Variants in FHL5 observed in about 807,000 individuals in gnomAD.
FHL5 encodes four and a half LIM domains protein 5.
FHL5 carries 33 observed loss-of-function variants against 32.0 expected under a neutral mutation model. That is an observed-to-expected ratio of 1.03 (90% CI 0.78 to 1.38). The LOEUF is 1.38. Ranked by LOEUF, FHL5 falls within the 40% of genes most tolerant of loss-of-function variation. FHL5 has a pLI of 0.00. For synonymous variants in FHL5, 114 were observed against 113.6 expected, an observed-to-expected ratio of 1.00 and a Z score of -0.02; for missense variants, 336 against 343.9, an observed-to-expected ratio of 0.98 and a Z score of 0.18.
chr6:96,618,506 T>C lies in FHL5; in HGVS notation c.*2734T>C, dbSNP rs6905568. 0.39 allele frequency among the ~76,000 whole-genome samples: 59,726 copies of C among 152,050 alleles called. 12,473 individuals carry two copies. The highest frequency in any genetic ancestry group is 0.55 in the African/African-American group (22,637 of 41,460). Reference sequence around the variant, plus strand: ...AAGTAAAGGAAGAAAATAATTATTGTAGTGTTTGAGGAAAATTATGCTTTT... The same window carrying C: ...AAGTAAAGGAAGAAAATAATTATTGCAGTGTTTGAGGAAAATTATGCTTTT... On this transcript the variant is annotated 3_prime_UTR_variant, in exon 6 of 6. Transcript: ENST00000450218.
chr6:96,591,139 G>C (rs1770906563), intron 1 of FHL5, among the ~76,000 whole-genome samples: 1 of 152,050 alleles, frequency 6.6e-6, no homozygotes, highest in Non-Finnish European at 1.5e-5. Context: ...GATTTGGTTT[G>C]TGTGAGATTG....
chr6:96,605,133 T>G (rs770700914), intron 3 of FHL5, among the ~76,000 whole-genome samples: 1 of 152,238 alleles, frequency 6.6e-6, no homozygotes, highest in Non-Finnish European at 1.5e-5. Flanking sequence ...TCTGTGTATT[T>G]TCATATAGTC....
At chr6:96,569,947 T>C (rs1005043447) in intron 1 of FHL5, among the ~76,000 whole-genome samples, 2 of 151,962 alleles carry the variant, frequency 1.3e-5, no homozygotes, top group African/African-American at 4.8e-5. Flanking sequence ...GTTGTTTTCC[T>C]GTTGTCTTGT....
chr6:96,600,863 G>A (rs1771132870), intron 1 of FHL5, among the ~76,000 whole-genome samples: 1 of 152,166 alleles, frequency 6.6e-6, no homozygotes, highest in Non-Finnish European at 1.5e-5. Context: ...TGGGCAGGGA[G>A]TTCAAATCAC....
chr6:96,593,733 T>G (rs1321780712), intron 1 of FHL5, among the ~76,000 whole-genome samples: 1 of 152,116 alleles, frequency 6.6e-6, no homozygotes, highest in Admixed American at 6.6e-5. Context: ...TATTCTTCTG[T>G]GGAAAGCAAA....
chr6:96,577,744 A>T (rs1680646761), intron 1 of FHL5, among the ~76,000 whole-genome samples: 1 of 152,188 alleles, frequency 6.6e-6, no homozygotes, highest in African/African-American at 2.4e-5. Context: ...AGAAGGATAG[A>T]TGCAAATAAG....
intron 1 of FHL5, among the ~76,000 whole-genome samples, chr6:96,584,192 T>C (rs1393029154): frequency 6.6e-6 from 1 of 152,064 alleles, no homozygotes; most frequent in Non-Finnish European, 1.5e-5. Flanking sequence ...GACATAAATA[T>C]GAACTAATGA....
intron 1 of FHL5, among the ~76,000 whole-genome samples, chr6:96,603,381 T>C (rs1234299504): frequency 1.3e-5 from 2 of 152,162 alleles, no homozygotes; most frequent in Non-Finnish European, 2.9e-5. Context: ...CATTTTTTTT[T>C]AGCAAAACAT....
intron 4 of FHL5, among the ~76,000 whole-genome samples, chr6:96,607,406 T>TACACAC (rs3839357): frequency 2.0e-5 from 3 of 148,986 alleles, no homozygotes; most frequent in Non-Finnish European, 4.5e-5. Flanking sequence ...CACATGCACA[T>TACACAC]ACACACACAC....
At chr6:96,593,842 C>T (rs1295098183) in intron 1 of FHL5, among the ~76,000 whole-genome samples, 1 of 152,052 alleles carries the variant, frequency 6.6e-6, no homozygotes. Context: ...TTTTTAAGTA[C>T]ACTTTTTAAG....
At position 96,616,965 on chromosome 6, in the gene FHL5, G is replaced by A. The variant is rs913112546; in HGVS notation, c.*1193G>A. ...TTACCCCAAGCCAGTTGTGCCCCCA[G>A]TTTCAATCTCCTGCATAACCAGGAG... On this transcript the variant is annotated 3_prime_UTR_variant, in exon 6 of 6. Coordinates refer to ENST00000450218, the MANE Select transcript of FHL5 (RefSeq NM_001322466.2). Among the ~76,000 whole-genome samples the A allele has an allele frequency of 2.0e-5, 3 of 151,652 alleles. No homozygotes were observed. The highest frequency in any genetic ancestry group is 7.3e-5 in the African/African-American group (3 of 41,248).
At chr6:96,589,057 A>AG (rs371038475) in intron 1 of FHL5, among the ~76,000 whole-genome samples, 8 of 152,134 alleles carry the variant, frequency 5.3e-5, no homozygotes, top group African/African-American at 1.9e-4. Flanking sequence ...ATTCAATTTA[A>AG]TTTTTCCCAT....
intron 1 of FHL5, among the ~76,000 whole-genome samples, chr6:96,585,574 C>A (rs1770780309): frequency 1.3e-5 from 2 of 151,768 alleles, no homozygotes; most frequent in Non-Finnish European, 2.9e-5. Context: ...TAAAAAAAAA[C>A]CCTACTCTAT....
intron 1 of FHL5, among the ~76,000 whole-genome samples, chr6:96,594,224 AATTTATAT>A (rs1439426060): frequency 5.8e-5 from 6 of 102,710 alleles, no homozygotes; most frequent in African/African-American, 1.2e-4. Context: ...TAAATATTAG[AATTTATAT>A]ATATATATAT....
chr6:96,602,946 G>C (rs1280060453), intron 1 of FHL5, among the ~76,000 whole-genome samples: 1 of 152,094 alleles, frequency 6.6e-6, no homozygotes, highest in Non-Finnish European at 1.5e-5. Flanking sequence ...GTTTGGTAAA[G>C]GACATTTAAA....
rs891112528 is a variant in FHL5, at chr6:96,617,026, C to T, written c.*1254C>T. Among the ~76,000 whole-genome samples the T allele has an allele frequency of 1.3e-5, 2 of 152,082 alleles. No individual in the cohort carries two copies. The highest frequency in any genetic ancestry group is 2.9e-5 in the Non-Finnish European group (2 of 68,022). ...AACCCTAAGCAACTGTCCTATAAGT[C>T]AGTCAGTGTTTATTGATCACACAGG... On this transcript the variant is annotated 3_prime_UTR_variant, in exon 6 of 6. Coordinates refer to ENST00000450218, the MANE Select transcript of FHL5 (RefSeq NM_001322466.2).
chr6:96,565,963 T>G (rs1770348615), intron 1 of FHL5, among the ~76,000 whole-genome samples: 1 of 152,040 alleles, frequency 6.6e-6, no homozygotes, highest in Admixed American at 6.6e-5. Flanking sequence ...TCAGGGTAAA[T>G]AGCATATTTA....
chr6:96,601,857 C>T (rs1196562786), intron 1 of FHL5, among the ~76,000 whole-genome samples: 1 of 152,174 alleles, frequency 6.6e-6, no homozygotes, highest in Non-Finnish European at 1.5e-5. Context: ...TGTTTCCAAG[C>T]CTTCGGTAAC....
intron 1 of FHL5, among the ~76,000 whole-genome samples, chr6:96,595,040 C>T (rs558809757): frequency 9.9e-5 from 15 of 151,912 alleles, no homozygotes; most frequent in African/African-American, 2.9e-4. Context: ...GCATGTTAGT[C>T]GAGGTCTTTG....
Sources: allele counts gnomAD v4.1 joint callset (sites outside exome capture counted in the v4.1 genomes callset), GRCh38; gene constraint gnomAD v4.1.1; transcripts MANE v1.5; gene names NCBI Gene and HGNC (gene_info 2026-07-23, HGNC 2026-07-21).